The following STOX2 variants were observed in gnomAD, a reference collection of about 807,000 sequenced individuals.
The protein encoded by STOX2 is storkhead box 2, also known as storkhead-box protein 2.
Under a neutral mutation model 60.9 loss-of-function variants are expected in STOX2, and 28 were observed. The ratio of observed to expected loss-of-function variants is 0.46; its 90% CI spans 0.34 to 0.63. The LOEUF (loss-of-function observed/expected upper bound fraction) is 0.63. Ranked by LOEUF, STOX2 falls within the 30% of genes least tolerant of loss-of-function variation. STOX2 has a pLI of 0.01. For synonymous variants in STOX2, 472 were observed against 463.9 expected, an observed-to-expected ratio of 1.02 and a Z score of -0.22; for missense variants, 1,024 against 1,187.7, an observed-to-expected ratio of 0.86 and a Z score of 2.03.
intron 1 of STOX2, among the ~76,000 whole-genome samples, chr4:183,871,412 T>C (rs1036430350): frequency 6.6e-6 from 1 of 152,248 alleles, no homozygotes; most frequent in African/African-American, 2.4e-5. Flanking sequence ...CTTTCAGTAC[T>C]AATGCCAGTG....
intron 1 of STOX2, among the ~76,000 whole-genome samples, chr4:183,863,771 C>T (rs541837942): frequency 1.2e-3 from 176 of 152,288 alleles, no homozygotes; most frequent in African/African-American, 3.9e-3. Context: ...TTGCTTGTAA[C>T]CATTTATACC....
upstream of STOX2, among the ~76,000 whole-genome samples, chr4:183,901,737 G>A (rs139690696): frequency 6.6e-5 from 10 of 151,768 alleles, no homozygotes; most frequent in African/African-American, 1.2e-4. Flanking sequence ...TATGTTCTTC[G>A]CAGAAATCTC....
intron 1 of STOX2, among the ~76,000 whole-genome samples, chr4:183,908,994 G>A (rs1300369764): frequency 6.6e-6 from 1 of 152,156 alleles, no homozygotes; most frequent in Non-Finnish European, 1.5e-5. Flanking sequence ...CAGGGAGGGA[G>A]GCTTATCATT....
chr4:183,952,007 C>A (rs922346579), intron 1 of STOX2, among the ~76,000 whole-genome samples: 3 of 152,130 alleles, frequency 2.0e-5, no homozygotes, highest in Admixed American at 2.0e-4. Flanking sequence ...CTCCCTCTAG[C>A]CTTTTGTAGT....
intron 1 of STOX2, among the ~76,000 whole-genome samples, chr4:183,911,288 C>T (rs1329052570): frequency 6.6e-6 from 1 of 152,146 alleles, no homozygotes; most frequent in Non-Finnish European, 1.5e-5. Flanking sequence ...CGTTTTAGGA[C>T]TCGCCCTGAT....
At chr4:184,016,605 C>T (rs1335117615) in intron 3 of STOX2, among the ~76,000 whole-genome samples, 1 of 152,150 alleles carries the variant, frequency 6.6e-6, no homozygotes, top group East Asian at 1.9e-4. Flanking sequence ...CAAAAAAGGG[C>T]ATGCTCAAGT....
rs549729156 is a variant in STOX2, at chr4:183,798,782, G to C, written c.364+727G>C. 7.1e-6 allele frequency: 7 copies of C among 985,416 alleles called. No homozygotes were observed. In the African/African-American group the frequency reaches 1.2e-4, roughly 17 times the overall value. The allele number at this position is 985,416 out of a possible 1,614,324, so 61.0% of individuals were successfully genotyped here. ...GCCCAGAGGTGAAGGTCGCCGCCGC[G>C]TTTCCAGTGCTGCTTTGACTTGCTG... On this transcript the variant is annotated intron_variant, in intron 1 of 2. Transcript: ENST00000513034.
At chr4:183,994,525 G>A (rs1040946703) in intron 1 of STOX2, among the ~76,000 whole-genome samples, 4 of 152,202 alleles carry the variant, frequency 2.6e-5, no homozygotes, top group Non-Finnish European at 5.9e-5. Context: ...CCAGCGTGAT[G>A]GAAGCAGAGC....
At chr4:183,904,919 A>G (rs1005022893), upstream of STOX2, among the ~76,000 whole-genome samples, 2 of 152,224 alleles carry the variant, frequency 1.3e-5, no homozygotes, top group Non-Finnish European at 2.9e-5. Context: ...ATAAAGATTT[A>G]ATATCCCTGT....
At chr4:183,992,938 G>A (rs932851878) in intron 1 of STOX2, among the ~76,000 whole-genome samples, 16 of 152,230 alleles carry the variant, frequency 1.1e-4, no homozygotes, top group African/African-American at 7.2e-5. Context: ...TAGCAAAGGC[G>A]TTAATTACGA....
At chr4:183,819,584 G>A (rs1181372768) in intron 1 of STOX2, among the ~76,000 whole-genome samples, 2 of 125,062 alleles carry the variant, frequency 1.6e-5, no homozygotes, top group African/African-American at 3.2e-5. Context: ...GGGAGGGGGA[G>A]GGAGAGGGAG....
chr4:183,936,680 A>C (rs1742601447), intron 1 of STOX2, among the ~76,000 whole-genome samples: 1 of 152,182 alleles, frequency 6.6e-6, no homozygotes, highest in South Asian at 2.1e-4. Context: ...GCTTATTTAA[A>C]GGAGAGGTAT....
chr4:183,824,318 A>G (rs936829530), intron 1 of STOX2, among the ~76,000 whole-genome samples: 5 of 152,186 alleles, frequency 3.3e-5, no homozygotes, highest in African/African-American at 1.2e-4. Context: ...ATATTTTATT[A>G]TAAATTATTT....
chr4:183,808,196 G>C (rs1487532124), intron 1 of STOX2, among the ~76,000 whole-genome samples: 1 of 152,204 alleles, frequency 6.6e-6, no homozygotes, highest in Non-Finnish European at 1.5e-5. Context: ...GGCGCTTCTG[G>C]AAAGAAATCC....
intron 1 of STOX2, among the ~76,000 whole-genome samples, chr4:183,958,876 A>T (rs1186765514): frequency 1.3e-5 from 2 of 152,030 alleles, no homozygotes; most frequent in Non-Finnish European, 2.9e-5. Flanking sequence ...CTTTTCAGTG[A>T]TATTGACGGT....
intron 1 of STOX2, among the ~76,000 whole-genome samples, chr4:183,914,583 G>A (rs1379832514): frequency 1.3e-5 from 2 of 152,236 alleles, no homozygotes; most frequent in Non-Finnish European, 2.9e-5. Flanking sequence ...CAACTACAGA[G>A]GGCTTTCAGG....
intron 1 of STOX2, among the ~76,000 whole-genome samples, chr4:183,924,932 C>T (rs1742199567): frequency 6.6e-6 from 1 of 152,114 alleles, no homozygotes; most frequent in African/African-American, 2.4e-5. Flanking sequence ...CCTGCTGAGG[C>T]CGGATACCGT....
chr4:183,816,875 T>C (rs578140822), intron 1 of STOX2, among the ~76,000 whole-genome samples: 2 of 152,358 alleles, frequency 1.3e-5, no homozygotes, highest in East Asian at 3.9e-4. Flanking sequence ...CTGCCAAAAC[T>C]TCTTTGCAGA....
chr4:183,903,893 T>C (rs1440264590), upstream of STOX2, among the ~76,000 whole-genome samples: 1 of 152,222 alleles, frequency 6.6e-6, no homozygotes, highest in African/African-American at 2.4e-5. Flanking sequence ...TTTGAGTGCA[T>C]TACATTTACT....
Sources: allele counts gnomAD v4.1 joint callset (sites outside exome capture counted in the v4.1 genomes callset), GRCh38; gene constraint gnomAD v4.1.1; transcripts MANE v1.5; gene names NCBI Gene and HGNC (gene_info 2026-07-23, HGNC 2026-07-21).